The following VANGL1 variants were observed in gnomAD, a reference collection of about 807,000 sequenced individuals.
VANGL1 encodes the protein VANGL planar cell polarity protein 1, also known as vang-like protein 1.
VANGL1 carries 18 observed loss-of-function variants against 48.4 expected under a neutral mutation model. That is an observed-to-expected ratio of 0.37 (90% CI 0.26 to 0.55). VANGL1 has a LOEUF of 0.55. Among genes scored for constraint, VANGL1 ranks in the 20% least tolerant of loss-of-function variants. The pLI, the probability that VANGL1 is intolerant of heterozygous loss-of-function variation, is 0.81. For synonymous variants in VANGL1, 257 were observed against 261.8 expected, an observed-to-expected ratio of 0.98 and a Z score of 0.18; for missense variants, 667 against 675.8, an observed-to-expected ratio of 0.99 and a Z score of 0.14.
chr1:115,654,849 C>T lies in VANGL1; in HGVS notation c.71+3365C>T, dbSNP rs78168897. Among the ~76,000 whole-genome samples the T allele has an allele frequency of 3.2e-4, 48 of 152,244 alleles. No homozygotes were observed. The East Asian group carries it at 4.2e-3, about 13-fold the overall frequency. ...TATTCTCACAGCAGTCCTAGAATGG[C>T]GGGAGGTCATAGCCCCATTTTACGG... On this transcript the variant is annotated intron_variant, in intron 2 of 7. Coordinates refer to ENST00000355485, the MANE Select transcript of VANGL1 (RefSeq NM_138959.3).
At chr1:115,686,935 C>A (rs1482043408) in intron 7 of VANGL1, among the ~76,000 whole-genome samples, 1 of 85,968 alleles carries the variant, frequency 1.2e-5, no homozygotes, top group Non-Finnish European at 2.5e-5. Flanking sequence ...AATATGGCAA[C>A]AAGGCATGTA....
rs563855412 is a variant in VANGL1, at chr1:115,641,985, G to A, written c.-239G>A. ...GGAAAGCAGCAGTGCAGCGGCGGCG[G>A]CGGCGGGGCTCTGCCTCTCCAGGAG... On this transcript the variant is annotated 5_prime_UTR_variant, in exon 1 of 8. Coordinates refer to ENST00000355485, the MANE Select transcript of VANGL1 (RefSeq NM_138959.3). The A allele has an allele frequency of 7.8e-3, 1,187 of 151,844 alleles. 11 individuals carry two copies. The highest frequency in any genetic ancestry group is 9.4e-3 in the Non-Finnish European group (639 of 67,718). 9.4% of individuals were successfully genotyped at this position (151,844 alleles called of 1,614,324 possible).
At chr1:115,660,730 T>G (rs1652516832) in intron 3 of VANGL1, among the ~76,000 whole-genome samples, 1 of 152,210 alleles carries the variant, frequency 6.6e-6, no homozygotes, top group South Asian at 2.1e-4. Context: ...CATCTGTACA[T>G]ACCTGTGCAT....
chr1:115,656,290 A>T (rs988234274), intron 2 of VANGL1, among the ~76,000 whole-genome samples: 1 of 152,210 alleles, frequency 6.6e-6, no homozygotes. Context: ...GGCTCCCATT[A>T]TCAAGCCCCT....
At chr1:115,667,486 C>G (rs745851796) in intron 4 of VANGL1, among the ~76,000 whole-genome samples, 2 of 152,114 alleles carry the variant, frequency 1.3e-5, no homozygotes, top group African/African-American at 2.4e-5. Flanking sequence ...ACTCATTTAC[C>G]CCTCCTTGCT....
Position 115,683,975 on chromosome 1 carries a change from G to A in VANGL1, c.978G>A (p.Arg326=). The A allele has an allele frequency of 1.9e-6, 3 of 1,613,944 alleles. No individual in the cohort carries two copies. The highest frequency in any genetic ancestry group is 2.5e-6 in the Non-Finnish European group (3 of 1,179,968). The change falls in exon 6 of 8, where the codon CGG becomes CGA. Residue 326 remains arginine (R), a synonymous_variant. Transcript: ENST00000355485. ...GPSNNATGQS[R]AMIAAAARRR... is the part of the protein sequence containing the mutation. ...GTAACAATGCCACTGGCCAGTCCCG[G>A]GCCATGATTGCTGCAGCTGCTCGGC...
intron 3 of VANGL1, among the ~76,000 whole-genome samples, chr1:115,662,744 C>T (rs559317066): frequency 1.3e-5 from 2 of 151,978 alleles, no homozygotes; most frequent in African/African-American, 4.8e-5. Context: ...GAGTGCTTGA[C>T]ACTGATGCTT....
intron 6 of VANGL1, among the ~76,000 whole-genome samples, chr1:115,685,016 A>G (rs1490254399): frequency 6.6e-6 from 1 of 152,192 alleles, no homozygotes; most frequent in African/African-American, 2.4e-5. Context: ...TCCCAAGCTC[A>G]TTGGTGGCAG....
chr1:115,675,808 A>T (rs1044361193), intron 4 of VANGL1, among the ~76,000 whole-genome samples: 4 of 152,190 alleles, frequency 2.6e-5, no homozygotes, highest in Non-Finnish European at 4.4e-5. Context: ...TAAAATAATT[A>T]AAAAAAACAA....
At chr1:115,643,487 G>C (rs1200195441) in intron 1 of VANGL1, among the ~76,000 whole-genome samples, 1 of 152,178 alleles carries the variant, frequency 6.6e-6, no homozygotes, top group Non-Finnish European at 1.5e-5. Context: ...TCTTTTTCCA[G>C]TTCAAAGAAA....
At chr1:115,674,696 A>G (rs1653099049) in intron 4 of VANGL1, among the ~76,000 whole-genome samples, 1 of 152,208 alleles carries the variant, frequency 6.6e-6, no homozygotes, top group Non-Finnish European at 1.5e-5. Flanking sequence ...AAGGGATCAA[A>G]TTCATATTTG....
At chr1:115,650,729 A>G (rs1652107534) in intron 1 of VANGL1, among the ~76,000 whole-genome samples, 1 of 151,818 alleles carries the variant, frequency 6.6e-6, no homozygotes, top group African/African-American at 2.4e-5. Context: ...TGTTTCTAGC[A>G]TTTTATTATT....
At chr1:115,648,825 A>G (rs1652034117) in intron 1 of VANGL1, among the ~76,000 whole-genome samples, 1 of 152,164 alleles carries the variant, frequency 6.6e-6, no homozygotes, top group Non-Finnish European at 1.5e-5. Flanking sequence ...ATTTAGCAAA[A>G]AGTAGCTGGA....
chr1:115,678,957 A>C (rs1381612375), intron 4 of VANGL1, among the ~76,000 whole-genome samples: 1 of 151,978 alleles, frequency 6.6e-6, no homozygotes, highest in Non-Finnish European at 1.5e-5. Context: ...GTCTCAAAAA[A>C]AAAAAAAAAG....
At chr1:115,684,234 G>A (rs1011195297) in intron 6 of VANGL1, among the ~76,000 whole-genome samples, 158 bp downstream of exon 6, 14 of 152,014 alleles carry the variant, frequency 9.2e-5, no homozygotes, top group Non-Finnish European at 1.8e-4. Flanking sequence ...TGCCTCCCAG[G>A]TTCCAGTGAT....
At chr1:115,682,821 C>G (rs1476752469) in intron 5 of VANGL1, among the ~76,000 whole-genome samples, 1 of 152,076 alleles carries the variant, frequency 6.6e-6, no homozygotes, top group Non-Finnish European at 1.5e-5. Context: ...TGCACATTAC[C>G]CACAAACTCA....
At chr1:115,645,467 T>C (rs920733669) in intron 1 of VANGL1, among the ~76,000 whole-genome samples, 62 of 152,148 alleles carry the variant, frequency 4.1e-4, no homozygotes, top group Non-Finnish European at 4.0e-4. Flanking sequence ...ACCACAGATC[T>C]ATAATATAAG....
intron 1 of VANGL1, among the ~76,000 whole-genome samples, chr1:115,646,303 C>T (rs971978158): frequency 3.9e-5 from 6 of 152,010 alleles, no homozygotes; most frequent in Non-Finnish European, 7.4e-5. Context: ...TGAGCCTGGC[C>T]GTGTCCTAAT....
chr1:115,650,695 C>T (rs1247173707), intron 1 of VANGL1, among the ~76,000 whole-genome samples: 1 of 151,824 alleles, frequency 6.6e-6, no homozygotes, highest in East Asian at 1.9e-4. Flanking sequence ...CTTACCTATT[C>T]CTGTATTCTG....
Sources: gnomAD v4.1 joint callset for allele counts (sites outside exome capture counted in the v4.1 genomes callset) on GRCh38, gnomAD v4.1.1 for gene constraint, MANE v1.5 for transcripts, NCBI Gene and HGNC (gene_info 2026-07-23, HGNC 2026-07-21) for gene names.